The following KLHL18 variants were observed in gnomAD, a reference collection of about 807,000 sequenced individuals.
KLHL18 encodes kelch like family member 18, also known as kelch-like protein 18.
In KLHL18, 38 loss-of-function variants were observed where a neutral mutation model predicts 58.5. The ratio of observed to expected loss-of-function variants is 0.65; its 90% CI spans 0.50 to 0.85. The LOEUF (loss-of-function observed/expected upper bound fraction) is 0.85, where lower values mean the gene tolerates loss of function less well. Ranked by LOEUF, KLHL18 falls within the 40% of genes least tolerant of loss-of-function variation. KLHL18 has a pLI of 0.00. For missense variants in KLHL18, 624 were observed against 778.4 expected (o/e 0.80, Z 2.36); for synonymous variants, 303 against 301.9 (o/e 1.00, Z -0.04).
chr3:47,296,787 A>G (rs1418973771), intron 1 of KLHL18, among the ~76,000 whole-genome samples: 1 of 152,206 alleles, frequency 6.6e-6, no homozygotes, highest in Non-Finnish European at 1.5e-5. Context: ...TTAAATAAGT[A>G]AGACATAGAG....
intron 1 of KLHL18, among the ~76,000 whole-genome samples, chr3:47,286,001 C>T (rs1410483968): frequency 4.0e-5 from 6 of 150,952 alleles, no homozygotes; most frequent in African/African-American, 1.2e-4. Flanking sequence ...GATCGTGCCA[C>T]TGCACTCCAG....
intron 2 of KLHL18, among the ~76,000 whole-genome samples, chr3:47,320,653 CACACCTGAAATCCAAACAATT>C (rs1703564260): frequency 6.6e-6 from 1 of 152,160 alleles, no homozygotes; most frequent in Admixed American, 6.6e-5. Flanking sequence ...CAAGGTGGCT[CACACCTGAAATCCAAACAATT>C]TGGGAGGTCA....
At chr3:47,287,849 T>G (rs1702709474) in intron 1 of KLHL18, among the ~76,000 whole-genome samples, 1 of 152,164 alleles carries the variant, frequency 6.6e-6, no homozygotes, top group African/African-American at 2.4e-5. Flanking sequence ...TAAATTCATG[T>G]GTTCAACCTG....
At position 47,333,233 on chromosome 3, in the gene KLHL18, A is replaced by G. The variant is rs774679688; in HGVS notation, c.677A>G (p.Asn226Ser). 12 of 1,614,160 alleles carry G rather than the reference A, an allele frequency of 7.4e-6. No homozygotes were observed. The highest frequency in any genetic ancestry group is 1.1e-5 in the South Asian group (1 of 91,076). Residue 226 changes from asparagine to serine, a missense_variant, in exon 5 of 10, where the codon AAT becomes AGT. By Grantham distance (46) the Asn-to-Ser change is conservative. Coordinates refer to ENST00000232766, the MANE Select transcript of KLHL18 (RefSeq NM_025010.5). ...CCCTACCTGCCTGAGCTGCTGTCCAATATCCGCCTGCCCCTCTGTCGGCCC... is the reference window on the plus strand; with the variant it reads ...CCCTACCTGCCTGAGCTGCTGTCCAGTATCCGCCTGCCCCTCTGTCGGCCC... ...RGPYLPELLS[N>S]IRLPLCRPQF...
intron 9 of KLHL18, 152 bp from the exon 10 acceptor site, chr3:47,343,403 C>A: frequency 1.2e-6 from 1 of 861,384 alleles, no homozygotes; most frequent in Non-Finnish European, 1.8e-6. Flanking sequence ...AAGAGCAGGC[C>A]TGCAGCAGAG....
At chr3:47,327,125 G>A (rs1703743427) in intron 3 of KLHL18, among the ~76,000 whole-genome samples, 1 of 152,062 alleles carries the variant, frequency 6.6e-6, no homozygotes, top group Non-Finnish European at 1.5e-5. Context: ...TGTAATCCCA[G>A]CTACTTGGGA....
chr3:47,332,787 G>A (rs1011065718), intron 4 of KLHL18, among the ~76,000 whole-genome samples: 1 of 151,954 alleles, frequency 6.6e-6, no homozygotes, highest in Non-Finnish European at 1.5e-5. Flanking sequence ...TTTTAGATGA[G>A]GGGGGACAGT....
chr3:47,340,830 C>A (rs1042812990), intron 8 of KLHL18, among the ~76,000 whole-genome samples, 154 bp downstream of exon 8: 1 of 151,910 alleles, frequency 6.6e-6, no homozygotes, highest in Non-Finnish European at 1.5e-5. Flanking sequence ...TATTTAATAA[C>A]CCTTGGTTAA....
chr3:47,325,485 C>T (rs1224189008), intron 3 of KLHL18, among the ~76,000 whole-genome samples: 1 of 152,194 alleles, frequency 6.6e-6, no homozygotes, highest in Non-Finnish European at 1.5e-5. Flanking sequence ...GCGTGAGCCA[C>T]CACGCCCAGC....
At chr3:47,308,660 G>C (rs963931776) in intron 1 of KLHL18, among the ~76,000 whole-genome samples, 2 of 152,176 alleles carry the variant, frequency 1.3e-5, no homozygotes, top group Non-Finnish European at 2.9e-5. Flanking sequence ...CAAAGTGCTG[G>C]GATTATAGGC....
At chr3:47,340,962 G>A (rs1704096675) in intron 8 of KLHL18, among the ~76,000 whole-genome samples, 1 of 152,084 alleles carries the variant, frequency 6.6e-6, no homozygotes, top group Non-Finnish European at 1.5e-5. Flanking sequence ...ACAGGCAAGA[G>A]GGAATAAGAA....
intron 8 of KLHL18, among the ~76,000 whole-genome samples, chr3:47,341,533 C>T: frequency 6.6e-6 from 1 of 152,174 alleles, no homozygotes; most frequent in East Asian, 1.9e-4. Context: ...GACAGGGTAG[C>T]AGGGATGTCT....
intron 1 of KLHL18, among the ~76,000 whole-genome samples, chr3:47,318,087 T>C (rs1703497262): frequency 6.6e-6 from 1 of 152,144 alleles, no homozygotes; most frequent in South Asian, 2.1e-4. Flanking sequence ...CTCAAACTCC[T>C]GATCCACCCT....
chr3:47,302,927 G>T (rs1302070118), intron 1 of KLHL18, among the ~76,000 whole-genome samples: 1 of 152,150 alleles, frequency 6.6e-6, no homozygotes, highest in Admixed American at 6.5e-5. Flanking sequence ...CTTCCTTGTT[G>T]TCCAGCACTG....
chr3:47,316,607 ATG>A (rs779969919), intron 1 of KLHL18, among the ~76,000 whole-genome samples: 8 of 119,578 alleles, frequency 6.7e-5, no homozygotes, highest in African/African-American at 2.6e-4. Flanking sequence ...ATATATGTAT[ATG>A]TGTGTATATA....
Position 47,334,930 on chromosome 3 carries a change from C to T in KLHL18, c.898+111C>T, listed in dbSNP as rs1317568600. ...TTCTCTGTTTTGTACTGTCACCACC[C>T]TTGCCCCTCTTGATTTTATACAATT... On this transcript the variant is annotated intron_variant, in intron 6 of 9. Transcript: ENST00000232766. This position sits in a 1 kb window ranked among gnomAD's most constrained non-coding sequence, Gnocchi z 4.7. 6 of 1,067,678 alleles carry T rather than the reference C, an allele frequency of 5.6e-6. No individual in the cohort carries two copies. The highest frequency in any genetic ancestry group is 5.3e-5 in the Admixed American group (2 of 37,788). The allele number at this position is 1,067,678 out of a possible 1,614,324, so 66.1% of individuals were successfully genotyped here.
chr3:47,311,508 T>G (rs76183418), intron 1 of KLHL18, among the ~76,000 whole-genome samples: 1 of 151,564 alleles, frequency 6.6e-6, no homozygotes, highest in Non-Finnish European at 1.5e-5. Context: ...CTGGCTAACA[T>G]AGTGAAACCC....
At chr3:47,312,996 G>A (rs910697917) in intron 1 of KLHL18, among the ~76,000 whole-genome samples, 8 of 141,064 alleles carry the variant, frequency 5.7e-5, no homozygotes, top group Non-Finnish European at 9.0e-5. Flanking sequence ...TGTAGGCTCC[G>A]CCTCCCAGGT....
At chr3:47,283,210 T>A in intron 1 of KLHL18, 116 bp downstream of exon 1, 1 of 243,566 alleles carries the variant, frequency 4.1e-6, no homozygotes, top group Non-Finnish European at 5.6e-6. Context: ...AGAAGAGGTG[T>A]GAGGGGGGCC....
Sources: gnomAD v4.1 joint callset for allele counts (sites outside exome capture counted in the v4.1 genomes callset) on GRCh38, gnomAD v4.1.1 for gene constraint, Gnocchi (gnomAD v3.1) non-coding constraint, MANE v1.5 for transcripts, NCBI Gene and HGNC (gene_info 2026-07-23, HGNC 2026-07-21) for gene names.